LITAF: variants seen among roughly 807,000 people sequenced by gnomAD.
LITAF encodes the protein lipopolysaccharide-induced tumor necrosis factor-alpha factor.
In LITAF, 9 loss-of-function variants were observed where a neutral mutation model predicts 14.5. That is an observed-to-expected ratio of 0.62 (90% CI 0.37 to 1.08). The LOEUF (loss-of-function observed/expected upper bound fraction) is 1.08, where lower values mean the gene tolerates loss of function less well. LITAF is among the 50% of genes least tolerant of loss of function. LITAF has a pLI of 0.01. For missense variants in LITAF, 206 were observed against 213.4 expected, an observed-to-expected ratio of 0.97 and a Z score of 0.22; for synonymous variants, 98 against 88.2, an observed-to-expected ratio of 1.11 and a Z score of -0.62.
At chr16:11,571,824 A>G (rs931695970) in intron 1 of LITAF, among the ~76,000 whole-genome samples, 2 of 152,052 alleles carry the variant, frequency 1.3e-5, no homozygotes, top group Non-Finnish European at 2.9e-5. Flanking sequence ...CTTTCCAAGC[A>G]CGGTGGCTCA....
At chr16:11,637,743 A>C (rs1337372999), upstream of LITAF, among the ~76,000 whole-genome samples, 1 of 151,510 alleles carries the variant, frequency 6.6e-6, no homozygotes, top group African/African-American at 2.4e-5. Context: ...TTAGCCAGGC[A>C]TGCCGGTGGT....
intron 3 of LITAF, among the ~76,000 whole-genome samples, chr16:11,607,724 C>A (rs1304512703): frequency 2.6e-5 from 4 of 152,098 alleles, no homozygotes; most frequent in East Asian, 1.9e-4. Context: ...AACGAATGAA[C>A]AACCATAACA....
intron 1 of LITAF, among the ~76,000 whole-genome samples, chr16:11,575,166 A>C (rs1460534016): frequency 6.6e-6 from 1 of 152,076 alleles, no homozygotes; most frequent in African/African-American, 2.4e-5. Context: ...TCTAAACACC[A>C]ATGGTGGACA....
chr16:11,612,519 G>A (rs1033227879), intron 3 of LITAF, among the ~76,000 whole-genome samples: 4 of 152,236 alleles, frequency 2.6e-5, no homozygotes, highest in Admixed American at 6.5e-5. Flanking sequence ...GGTCACCTGC[G>A]GTTAGAGCAA....
At chr16:11,575,598 G>A (rs2064619445) in intron 1 of LITAF, 1 of 152,148 alleles carries the variant, frequency 6.6e-6, no homozygotes, top group African/African-American at 2.4e-5. Flanking sequence ...TGCCAAGAAG[G>A]AGAGTTCAGA....
Position 11,549,711 on chromosome 16 carries a change from C to G in LITAF, c.412G>C (p.Val138Leu), listed in dbSNP as rs780788687. The change falls in exon 4 of 4, where the codon GTG (valine) becomes CTG (leucine). Residue 138 changes from valine to leucine, a missense_variant. By Grantham distance (32) the Val-to-Leu change is conservative. Coordinates refer to ENST00000622633, the MANE Select transcript of LITAF (RefSeq NM_001136472.2). The surrounding 1 kb of genome is among the most constrained non-coding windows in gnomAD (Gnocchi z 4.6). Reference sequence around the variant, plus strand: ...TGGTCCACGTCCTGCAGGGCATCCACGCAGAAGGGGATGAAGCAGCAGCCC... The same window carrying G: ...TGGTCCACGTCCTGCAGGGCATCCAGGCAGAAGGGGATGAAGCAGCAGCCC... ...IAGCCFIPFC[V>L]DALQDVDHYC... 2.5e-6 allele frequency: 4 copies of G among 1,613,636 alleles called. No homozygotes were observed. Among genetic ancestry groups the G allele is most frequent in the Non-Finnish European group, 1.7e-6 (2 of 1,179,868 alleles).
intron 1 of LITAF, among the ~76,000 whole-genome samples, chr16:11,574,801 GTT>G (rs66512182): frequency 6.6e-6 from 1 of 151,312 alleles, no homozygotes; most frequent in South Asian, 2.1e-4. Flanking sequence ...TCAATATAAA[GTT>G]TTTTTTTTCT....
At position 11,552,288 on chromosome 16, in the gene LITAF, A is replaced by G. The variant is rs75177650; in HGVS notation, c.377+1245T>C. Among the ~76,000 whole-genome samples the G allele has an allele frequency of 2.2e-3, 334 of 152,302 alleles. 3 individuals carry two copies. In the East Asian group the frequency reaches 0.034, roughly 15 times the overall value. On this transcript the variant is annotated intron_variant, in intron 3 of 3. Coordinates refer to ENST00000622633, the MANE Select transcript of LITAF (RefSeq NM_001136472.2). Reference sequence around the variant, plus strand: ...AGCTACTTTTACCTGCTTGGTGGGAAACAAAAAATTGATTGTGTTTCCTCA... The same window carrying G: ...AGCTACTTTTACCTGCTTGGTGGGAGACAAAAAATTGATTGTGTTTCCTCA...
Position 11,553,456 on chromosome 16 carries a change from G to A in LITAF, c.377+77C>T. ...TCTGGCCCTGAATGTCAAGCATGGT[G>A]CAGTTGAGAACCCACCCCCGCCAGC... On this transcript the variant is annotated intron_variant, in intron 3 of 3. Coordinates refer to ENST00000622633, the MANE Select transcript of LITAF (RefSeq NM_001136472.2). The surrounding 1 kb of genome is among the most constrained non-coding windows in gnomAD (Gnocchi z 7.7). The A allele has an allele frequency of 1.4e-6, 2 of 1,449,788 alleles. No individual in the cohort carries two copies. Among genetic ancestry groups the A allele is most frequent in the Non-Finnish European group, 9.6e-7 (1 of 1,041,350 alleles). The allele number at this position is 1,449,788 out of a possible 1,614,324, so 89.8% of individuals were successfully genotyped here. A position where few individuals can be genotyped will look rare whatever the true frequency, so the allele number is the denominator to read the frequency against.
intron 1 of LITAF, among the ~76,000 whole-genome samples, chr16:11,593,602 T>C (rs1262532270): frequency 1.3e-5 from 2 of 152,150 alleles, no homozygotes; most frequent in Non-Finnish European, 2.9e-5. Context: ...AGTGAATGAA[T>C]GGACAGACAA....
At chr16:11,617,611 G>C (rs1321207949) in intron 3 of LITAF, among the ~76,000 whole-genome samples, 2 of 151,210 alleles carry the variant, frequency 1.3e-5, no homozygotes, top group Non-Finnish European at 2.9e-5. Context: ...ATTTTTAGTA[G>C]AGACGGGGTT....
chr16:11,636,996 G>A (rs2065140754), upstream of LITAF, among the ~76,000 whole-genome samples: 1 of 151,844 alleles, frequency 6.6e-6, no homozygotes, highest in Admixed American at 6.6e-5. Context: ...CAGCCTCCTG[G>A]GTAGCTGGGA....
intron 3 of LITAF, among the ~76,000 whole-genome samples, chr16:11,615,219 A>C (rs1189408300): frequency 2.6e-5 from 4 of 152,172 alleles, no homozygotes; most frequent in African/African-American, 9.7e-5. Context: ...CTGGGGTGTA[A>C]ATGGCATGGG....
rs368025784 is a variant in LITAF at position 11,624,970 on chromosome 16, G to C, written c.85+8563C>G. ...CCATAAGAAGGCAAACAGCCCCCAG[G>C]AGGGTGAGAGGTCACGTGAAGGAGA... On this transcript the variant is annotated intron_variant, in intron 3 of 3. Coordinates refer to the LITAF transcript ENST00000574848. Among the ~76,000 whole-genome samples, 46 of 152,274 alleles carry C rather than the reference G, an allele frequency of 3.0e-4. 2 individuals carry two copies. In the East Asian group the frequency reaches 8.3e-3, roughly 27 times the overall value.
At chr16:11,579,846 C>A (rs2064706168) in intron 1 of LITAF, among the ~76,000 whole-genome samples, 3 of 152,174 alleles carry the variant, frequency 2.0e-5, no homozygotes, top group Admixed American at 2.0e-4. Context: ...GGGCTCAGGA[C>A]ACACTACCCC....
At chr16:11,603,657 A>T (rs1285861339) in intron 3 of LITAF, among the ~76,000 whole-genome samples, 1 of 152,184 alleles carries the variant, frequency 6.6e-6, no homozygotes, top group East Asian at 1.9e-4. Context: ...CGCAGCCCCC[A>T]TCCCAACCCG....
At chr16:11,601,004 G>C (rs564605165), upstream of LITAF, among the ~76,000 whole-genome samples, 1 of 152,218 alleles carries the variant, frequency 6.6e-6, no homozygotes, top group Non-Finnish European at 1.5e-5. Context: ...GGGGTCCCTG[G>C]TTTGGAAAGT....
At chr16:11,624,577 A>G (rs4781130) in intron 3 of LITAF, among the ~76,000 whole-genome samples, 50,469 of 152,144 alleles carry the variant, frequency 0.33, 10,209 homozygotes, top group South Asian at 0.48. Context: ...CTTGCACAGC[A>G]AGGCTGCCGT....
chr16:11,613,667 G>A (rs1053066518), intron 3 of LITAF, among the ~76,000 whole-genome samples: 1 of 152,350 alleles, frequency 6.6e-6, no homozygotes, highest in Middle Eastern at 3.4e-3. Context: ...GCCAGAGTTA[G>A]GTGGGAGAGG....
Sources: allele counts gnomAD v4.1 joint callset (sites outside exome capture counted in the v4.1 genomes callset), GRCh38; gene constraint gnomAD v4.1.1; non-coding constraint Gnocchi (gnomAD v3.1); transcripts MANE v1.5; gene names NCBI Gene and HGNC (gene_info 2026-07-23, HGNC 2026-07-21).